The following HMGN5 variants were observed in gnomAD, a reference collection of about 807,000 sequenced individuals.
HMGN5 encodes high mobility group nucleosome binding domain 5.
In HMGN5, 4 loss-of-function variants were observed where a neutral mutation model predicts 9.5. The observed-to-expected ratio is 0.42, with a 90% CI of 0.21 to 0.96. HMGN5 has a LOEUF of 0.96. Among genes scored for constraint, HMGN5 ranks in the 40% least tolerant of loss-of-function variants. HMGN5 has a pLI of 0.30. For synonymous variants in HMGN5, 55 were observed against 57.1 expected (o/e 0.96, Z 0.16); for missense variants, 192 against 187.5 (o/e 1.02, Z -0.14).
intron 2 of HMGN5, 108 bp from the exon 3 acceptor site, chrX:81,119,925 C>T (rs2075264351): frequency 4.3e-6 from 3 of 700,641 alleles, no homozygotes; most frequent in Non-Finnish European, 6.6e-6. Context: ...TTATTACTTT[C>T]TCCTGGGTTC....
At chrX:81,157,163 A>T (rs1397058858) in intron 1 of HMGN5, among the ~76,000 whole-genome samples, 2 of 111,551 alleles carry the variant, frequency 1.8e-5, no homozygotes, top group Non-Finnish European at 3.8e-5. Context: ...GTGTGGGTAT[A>T]TGGGCAGCCA....
intron 1 of HMGN5, among the ~76,000 whole-genome samples, chrX:81,141,895 T>C (rs905119483): frequency 1.8e-5 from 2 of 112,143 alleles, no homozygotes; most frequent in African/African-American, 6.5e-5. Context: ...CATATCTATA[T>C]GTGAACTTTA....
At chrX:81,200,590 A>G (rs1237147472) in intron 1 of HMGN5, among the ~76,000 whole-genome samples, 1 of 111,753 alleles carries the variant, frequency 8.9e-6, no homozygotes, top group Non-Finnish European at 1.9e-5. Flanking sequence ...CATCATTCTA[A>G]GCAAACTATC....
chrX:81,177,736 T>G (rs2087968430), intron 1 of HMGN5, among the ~76,000 whole-genome samples: 1 of 111,337 alleles, frequency 9.0e-6, no homozygotes, highest in South Asian at 3.8e-4. Flanking sequence ...TACAGAACTC[T>G]CCACCCCAAA....
intron 3 of HMGN5, 101 bp downstream of exon 3, chrX:81,119,687 T>C: frequency 3.0e-6 from 2 of 664,110 alleles, no homozygotes; most frequent in Non-Finnish European, 4.8e-6. Flanking sequence ...GGAACTCATA[T>C]TGTACAAATA....
chrX:81,147,922 C>T (rs1602566459), intron 1 of HMGN5, among the ~76,000 whole-genome samples: 2 of 111,536 alleles, frequency 1.8e-5, no homozygotes, highest in African/African-American at 3.3e-5. Flanking sequence ...ATCCAACTTA[C>T]AGGGGATGTG....
chrX:81,199,622 T>C (rs1364352237), intron 1 of HMGN5, among the ~76,000 whole-genome samples: 1 of 111,983 alleles, frequency 8.9e-6, no homozygotes, highest in Non-Finnish European at 1.9e-5. Context: ...AAACAAGCAA[T>C]GGGGAAAGGA....
At chrX:81,135,834 A>G (rs1288822173) in intron 1 of HMGN5, among the ~76,000 whole-genome samples, 1 of 111,356 alleles carries the variant, frequency 9.0e-6, no homozygotes, top group African/African-American at 3.3e-5. Flanking sequence ...CATTGTAACC[A>G]TGTTGAGAGG....
chrX:81,176,272 C>T (rs186346014), intron 1 of HMGN5, among the ~76,000 whole-genome samples: 185 of 111,815 alleles, frequency 1.7e-3, no homozygotes, highest in African/African-American at 5.8e-3. Flanking sequence ...AAAACCCCAT[C>T]TGTAGGTCAC....
intron 1 of HMGN5, among the ~76,000 whole-genome samples, chrX:81,190,069 T>C (rs1379158474): frequency 8.9e-6 from 1 of 112,449 alleles, no homozygotes; most frequent in Non-Finnish European, 1.9e-5. Flanking sequence ...TGGCCCATTT[T>C]TATTTGGTTG....
At chrX:81,129,415 C>A in intron 1 of HMGN5, among the ~76,000 whole-genome samples, 1 of 111,173 alleles carries the variant, frequency 9.0e-6, no homozygotes, top group East Asian at 2.8e-4. Flanking sequence ...GTTTGATGAC[C>A]ATTTGTATTT....
intron 1 of HMGN5, among the ~76,000 whole-genome samples, chrX:81,198,602 C>T (rs1449980502): frequency 1.8e-5 from 2 of 111,795 alleles, no homozygotes; most frequent in African/African-American, 6.5e-5. Context: ...TAATCCATCA[C>T]ATAAACAGAA....
At chrX:81,191,051 G>A (rs1464495040) in intron 1 of HMGN5, among the ~76,000 whole-genome samples, 2 of 110,912 alleles carry the variant, frequency 1.8e-5, no homozygotes. Flanking sequence ...TATCTTAAAT[G>A]GTATGTTTAA....
intron 1 of HMGN5, among the ~76,000 whole-genome samples, chrX:81,159,223 G>T (rs1352413920): frequency 2.7e-5 from 3 of 110,328 alleles, no homozygotes; most frequent in African/African-American, 6.6e-5. Context: ...ACACACACTG[G>T]GGCCTATTGG....
At chrX:81,116,396 A>T (rs1456440707) in intron 5 of HMGN5, 55 bp from the exon 6 acceptor site, 2 of 832,252 alleles carry the variant, frequency 2.4e-6, no homozygotes, top group East Asian at 3.3e-5. Context: ...TGCTGTGTTG[A>T]TTAAATGGTC....
intron 1 of HMGN5, among the ~76,000 whole-genome samples, chrX:81,148,120 T>C (rs1348458285): frequency 8.9e-6 from 1 of 112,043 alleles, no homozygotes; most frequent in Non-Finnish European, 1.9e-5. Flanking sequence ...TTCACTGAAC[T>C]GGAAAAAATT....
At chrX:81,121,188 G>A (rs994449080) in intron 2 of HMGN5, among the ~76,000 whole-genome samples, 1 of 110,280 alleles carries the variant, frequency 9.1e-6, no homozygotes, top group African/African-American at 3.3e-5. Flanking sequence ...GGAAACTGAA[G>A]TATGGTTGGG....
chrX:81,154,615 AT>A (rs928856255), intron 1 of HMGN5, among the ~76,000 whole-genome samples: 4 of 111,237 alleles, frequency 3.6e-5, no homozygotes, highest in African/African-American at 6.5e-5. Flanking sequence ...CAAACTACCC[AT>A]CTGACAAGGG....
At chrX:81,127,659 G>A (rs998041602) in intron 1 of HMGN5, among the ~76,000 whole-genome samples, 4 of 110,064 alleles carry the variant, frequency 3.6e-5, no homozygotes, top group South Asian at 3.8e-4. Flanking sequence ...GAATTGTTTC[G>A]TTTTGTTGTA....
Sources: gnomAD v4.1 joint callset for allele counts (sites outside exome capture counted in the v4.1 genomes callset) on GRCh38, gnomAD v4.1.1 for gene constraint, MANE v1.5 for transcripts, NCBI Gene and HGNC (gene_info 2026-07-23, HGNC 2026-07-21) for gene names.